CACNG5: variants seen among roughly 807,000 people sequenced by gnomAD.
CACNG5 encodes calcium voltage-gated channel auxiliary subunit gamma 5, also known as voltage-dependent calcium channel gamma-5 subunit.
CACNG5 carries 18 observed loss-of-function variants against 24.8 expected under a neutral mutation model. That is an observed-to-expected ratio of 0.73 (90% CI 0.50 to 1.08). The LOEUF (loss-of-function observed/expected upper bound fraction) is 1.08. CACNG5 is among the 50% of genes least tolerant of loss of function. The probability of loss-of-function intolerance (pLI) is 0.00; values close to 1 mark genes in which losing one functional copy is unlikely to be tolerated. For synonymous variants in CACNG5, 157 were observed against 149.1 expected (o/e 1.05, Z -0.39); for missense variants, 349 against 367.9 (o/e 0.95, Z 0.42).
At chr17:66,862,084 C>T (rs78555637) in intron 1 of CACNG5, among the ~76,000 whole-genome samples, 1,558 of 152,206 alleles carry the variant, frequency 0.01, 30 homozygotes, top group African/African-American at 0.036. Context: ...TGTGACTTGG[C>T]ATGGCAGAGA....
rs1175805907 is a variant in CACNG5 at position 66,886,156 on chromosome 17, A to C, written c.*916A>C. Among the ~76,000 whole-genome samples the C allele has an allele frequency of 6.6e-6, 1 of 152,210 alleles. No individual in the cohort carries two copies. Among genetic ancestry groups the C allele is most frequent in the African/African-American group, 2.4e-5 (1 of 41,454 alleles). On this transcript the variant is annotated 3_prime_UTR_variant, in exon 6 of 6. Coordinates refer to ENST00000533854, the MANE Select transcript of CACNG5 (RefSeq NM_145811.3). ...GTAATATTTCCGGACCAAGGCCCTA[A>C]GATGGAATCTTGTAGACATCTGTCT...
rs1382415378 is a variant in CACNG5 at position 66,888,250 on chromosome 17, T to C, written c.*3010T>C. ...CCCAGGCTGGAGTGCATGTAAGAGT[T>C]AAAGAAAGAGGAGGCCTGGCGCAGT... On this transcript the variant is annotated 3_prime_UTR_variant, in exon 6 of 6. Coordinates refer to ENST00000533854, the MANE Select transcript of CACNG5 (RefSeq NM_145811.3). Among the ~76,000 whole-genome samples the C allele has an allele frequency of 6.8e-6, 1 of 147,188 alleles. No individual in the cohort carries two copies. Among genetic ancestry groups the C allele is most frequent in the Non-Finnish European group, 1.5e-5 (1 of 67,300 alleles).
chr17:66,869,336 G>T (rs778561645), intron 1 of CACNG5, among the ~76,000 whole-genome samples: 2 of 152,026 alleles, frequency 1.3e-5, no homozygotes, highest in African/African-American at 4.8e-5. Context: ...TCCTTGACTC[G>T]GCCTCTCAAA....
intron 1 of CACNG5, among the ~76,000 whole-genome samples, chr17:66,863,314 T>C (rs1278426926): frequency 6.6e-6 from 1 of 151,212 alleles, no homozygotes; most frequent in Non-Finnish European, 1.5e-5. Flanking sequence ...AATATTATTA[T>C]TCCTTTTTTC....
At chr17:66,856,573 G>T (rs1261245489) in intron 1 of CACNG5, among the ~76,000 whole-genome samples, 1 of 141,926 alleles carries the variant, frequency 7.0e-6, no homozygotes, top group African/African-American at 2.6e-5. Context: ...ACAGAGTCTC[G>T]CTCTGTCGCC....
At chr17:66,877,588 C>A in intron 2 of CACNG5, 60 bp downstream of exon 2, 1 of 1,436,382 alleles carries the variant, frequency 7.0e-7, no homozygotes, top group Non-Finnish European at 9.7e-7. Flanking sequence ...CCCAAGAGGT[C>A]CCTCCCTGGG....
At chr17:66,882,937 TTCCA>T (rs113055446) in intron 4 of CACNG5, among the ~76,000 whole-genome samples, 44,586 of 150,424 alleles carry the variant, frequency 0.3, 6,664 homozygotes, top group African/African-American at 0.32. Flanking sequence ...TTCTTTCTCC[TTCCA>T]TCCATCCATC....
At chr17:66,860,623 C>G (rs187523121) in intron 1 of CACNG5, among the ~76,000 whole-genome samples, 1 of 118,924 alleles carries the variant, frequency 8.4e-6, no homozygotes. Context: ...GCTGGAAGAG[C>G]CACTTGACAG....
intron 1 of CACNG5, among the ~76,000 whole-genome samples, chr17:66,868,407 C>T (rs1256031444): frequency 2.0e-5 from 3 of 152,204 alleles, no homozygotes; most frequent in African/African-American, 7.2e-5. Flanking sequence ...GAGCCTCACA[C>T]TCCAAAAGCA....
At chr17:66,884,414 C>CTTTGCT in intron 4 of CACNG5, 102 bp from the exon 5 acceptor site, 1 of 1,233,770 alleles carries the variant, frequency 8.1e-7, no homozygotes, top group East Asian at 2.3e-5. Flanking sequence ...TACCCCAAGG[C>CTTTGCT]TGGTGGCTTT....
In CACNG5 at chr17:66,850,406, C is replaced by G. The variant is rs117962859; in HGVS notation, c.-104+15156C>G. On this transcript the variant is annotated intron_variant, in intron 1 of 5. Transcript: ENST00000533854. ...AAACAAAAATAGAACATTGCAAAAG[C>G]CTGGGGCAGGCTGGCTTGTGCCCCA... Among the ~76,000 whole-genome samples the G allele has an allele frequency of 9.2e-3, 1,402 of 152,256 alleles. 15 individuals are homozygous for G. The highest frequency in any genetic ancestry group is 0.014 in the Non-Finnish European group (940 of 68,018).
chr17:66,839,610 G>A (rs905504744), intron 1 of CACNG5, among the ~76,000 whole-genome samples: 2 of 151,492 alleles, frequency 1.3e-5, no homozygotes, highest in South Asian at 2.1e-4. Context: ...AGAGCGAGAG[G>A]GGGAGGTCTG....
intron 1 of CACNG5, among the ~76,000 whole-genome samples, chr17:66,845,306 A>C (rs1976622887): frequency 6.6e-6 from 1 of 152,076 alleles, no homozygotes; most frequent in Non-Finnish European, 1.5e-5. Flanking sequence ...GGTGGTGGGC[A>C]AAGGGAAGGA....
chr17:66,847,207 C>G (rs568247816), intron 1 of CACNG5, among the ~76,000 whole-genome samples: 93 of 152,324 alleles, frequency 6.1e-4, no homozygotes, highest in African/African-American at 2.1e-3. Context: ...CAGAGTGTCC[C>G]TTGGACTTCT....
At chr17:66,868,320 CTG>C (rs781131239) in intron 1 of CACNG5, among the ~76,000 whole-genome samples, 24 of 152,206 alleles carry the variant, frequency 1.6e-4, no homozygotes, top group Non-Finnish European at 2.6e-4. Context: ...TGCCAGAGCT[CTG>C]TATCCTCATC....
At chr17:66,845,458 A>T (rs1373065980) in intron 1 of CACNG5, among the ~76,000 whole-genome samples, 1 of 77,904 alleles carries the variant, frequency 1.3e-5, no homozygotes, top group Non-Finnish European at 2.7e-5. Flanking sequence ...TTAAAGTAAA[A>T]TTTAAAAAAA....
chr17:66,852,877 C>T (rs1392212726), intron 1 of CACNG5, among the ~76,000 whole-genome samples: 1 of 139,760 alleles, frequency 7.2e-6, no homozygotes, highest in East Asian at 2.5e-4. Flanking sequence ...CTCTCTCTTT[C>T]TCTCTCTTTT....
intron 1 of CACNG5, among the ~76,000 whole-genome samples, chr17:66,845,009 C>A (rs1414150189): frequency 4.6e-5 from 7 of 152,180 alleles, no homozygotes; most frequent in Non-Finnish European, 7.3e-5. Flanking sequence ...TTTATTGCAG[C>A]ACTATTTACA....
chr17:66,842,885 C>T (rs867709316), intron 1 of CACNG5, among the ~76,000 whole-genome samples: 33 of 152,168 alleles, frequency 2.2e-4, no homozygotes, highest in African/African-American at 8.0e-4. Flanking sequence ...GGAGAAAGAG[C>T]AGGGACTGTG....
Sources: allele counts gnomAD v4.1 joint callset (sites outside exome capture counted in the v4.1 genomes callset), GRCh38; gene constraint gnomAD v4.1.1; transcripts MANE v1.5; gene names NCBI Gene and HGNC (gene_info 2026-07-23, HGNC 2026-07-21).